Variants in CHLSN observed in about 807,000 individuals in gnomAD.
The protein encoded by CHLSN is protein cholesin.
At chr7:1,092,174 C>G in the CHLSN span, 1 of 1,613,440 alleles carries the variant, frequency 6.2e-7, no homozygotes, top group Non-Finnish European at 8.5e-7. Context: ...TTCTTCCTCA[C>G]CTGGATGAGC....
chr7:1,113,598 C>T, the CHLSN span, among the ~76,000 whole-genome samples: 2 of 152,184 alleles, frequency 1.3e-5, no homozygotes, highest in South Asian at 2.1e-4. Context: ...ACTCGGAGCT[C>T]ATCTACTTCA....
chr7:988,953 C>A, the CHLSN span: 1 of 623,908 alleles, frequency 1.6e-6, no homozygotes, highest in Non-Finnish European at 2.8e-6. Flanking sequence ...TCACCCCCAC[C>A]CCCACAGGGT....
the CHLSN span, among the ~76,000 whole-genome samples, chr7:1,103,307 G>A: frequency 6.6e-6 from 1 of 152,200 alleles, no homozygotes; most frequent in Non-Finnish European, 1.5e-5. Flanking sequence ...GGGTGAAAGC[G>A]TCAAAGTGGA....
chr7:1,088,034 C>T, the CHLSN span: 1 of 152,354 alleles, frequency 6.6e-6, no homozygotes, highest in Non-Finnish European at 1.5e-5. The surrounding 1 kb of genome is among the most constrained non-coding windows in gnomAD (Gnocchi z 4.5). Context: ...GAGGAGGCCG[C>T]CCAGAGCCTG....
chr7:1,077,523 C>T, the CHLSN span, among the ~76,000 whole-genome samples: 19 of 152,018 alleles, frequency 1.2e-4, no homozygotes, highest in Admixed American at 1.1e-3. Context: ...CCACCGCGCC[C>T]GGCCCCAGGT....
At chr7:1,136,347 AAT>A in the CHLSN span, among the ~76,000 whole-genome samples, 9,693 of 73,402 alleles carry the variant, frequency 0.13, 938 homozygotes, top group Middle Eastern at 0.18. Flanking sequence ...TAAACATATA[AAT>A]ATATATAAAC....
the CHLSN span, among the ~76,000 whole-genome samples, chr7:1,083,745 G>C: frequency 4.6e-5 from 7 of 152,122 alleles, no homozygotes; most frequent in African/African-American, 1.7e-4. Context: ...CACACCCACC[G>C]TTAACTGGGC....
chr7:1,000,814 C>CA, the CHLSN span, among the ~76,000 whole-genome samples: 1 of 152,342 alleles, frequency 6.6e-6, no homozygotes, highest in Non-Finnish European at 1.5e-5. Flanking sequence ...CCACTGACCC[C>CA]AAGTCCCCGT....
At chr7:1,034,719 G>A in the CHLSN span, among the ~76,000 whole-genome samples, 2 of 152,140 alleles carry the variant, frequency 1.3e-5, no homozygotes, top group Non-Finnish European at 2.9e-5. Context: ...CCCAGGTACT[G>A]AGCCTAGTAC....
the CHLSN span, among the ~76,000 whole-genome samples, chr7:1,102,401 G>A: frequency 2.0e-5 from 3 of 152,278 alleles, no homozygotes; most frequent in South Asian, 4.1e-4. Flanking sequence ...AAAAGTCGGC[G>A]TCTGCAGCCA....
the CHLSN span, among the ~76,000 whole-genome samples, chr7:1,055,700 G>A: frequency 6.6e-6 from 1 of 152,182 alleles, no homozygotes; most frequent in African/African-American, 2.4e-5. Flanking sequence ...AAGCTCTGTG[G>A]GGTGAAGGTG....
the CHLSN span, among the ~76,000 whole-genome samples, chr7:1,027,422 C>T: frequency 1.3e-5 from 2 of 152,232 alleles, no homozygotes; most frequent in African/African-American, 4.8e-5. Flanking sequence ...GAGGACGCTC[C>T]GAGGACACAG....
the CHLSN span, among the ~76,000 whole-genome samples, chr7:1,002,365 A>G: frequency 0.021 from 422 of 19,822 alleles, no homozygotes; most frequent in South Asian, 0.025. Context: ...CTGTGGGTGA[A>G]TGGAGTCCTG....
At chr7:1,058,388 G>A in the CHLSN span, 4 of 780,516 alleles carry the variant, frequency 5.1e-6, no homozygotes, top group Admixed American at 1.7e-5. Flanking sequence ...GCAGCTTTGT[G>A]ACACCACTTC....
the CHLSN span, among the ~76,000 whole-genome samples, chr7:1,076,681 A>ATT: frequency 6.6e-6 from 1 of 152,210 alleles, no homozygotes; most frequent in Non-Finnish European, 1.5e-5. Flanking sequence ...ATTAATGTCC[A>ATT]AGATCTTTTC....
the CHLSN span, among the ~76,000 whole-genome samples, chr7:1,135,714 G>A: frequency 1.5e-4 from 22 of 149,532 alleles, no homozygotes; most frequent in Non-Finnish European, 1.6e-4. Context: ...GCAGTGAGCC[G>A]AGATCGCGCC....
At chr7:981,865 CATAA>C in the CHLSN span, among the ~76,000 whole-genome samples, 5 of 152,006 alleles carry the variant, frequency 3.3e-5, no homozygotes, top group Admixed American at 6.6e-5. Flanking sequence ...TCCATTTCTA[CATAA>C]ATAAATAAAT....
the CHLSN span, among the ~76,000 whole-genome samples, chr7:1,070,894 G>GCA: frequency 6.9e-6 from 1 of 145,042 alleles, no homozygotes; most frequent in Non-Finnish European, 1.5e-5. Context: ...GCACACACGT[G>GCA]CACACACATG....
At chr7:1,084,286 C>T in the CHLSN span, among the ~76,000 whole-genome samples, 1 of 152,256 alleles carries the variant, frequency 6.6e-6, no homozygotes, top group Non-Finnish European at 1.5e-5. Flanking sequence ...GCGGGGGACG[C>T]CAGCGATGCC....
Sources: allele counts gnomAD v4.1 joint callset (sites outside exome capture counted in the v4.1 genomes callset), GRCh38; gene constraint gnomAD v4.1.1; non-coding constraint Gnocchi (gnomAD v3.1); transcripts MANE v1.5; gene names NCBI Gene and HGNC (gene_info 2026-07-23, HGNC 2026-07-21).